Variants in SLC14A2 observed in about 807,000 individuals in gnomAD.
SLC14A2 encodes urea transporter 2.
A neutral mutation model predicts 104.6 loss-of-function variants in SLC14A2; 91 were observed. The ratio of observed to expected loss-of-function variants is 0.87; its 90% confidence interval spans 0.73 to 1.04. The LOEUF (loss-of-function observed/expected upper bound fraction) is 1.04. SLC14A2 is among the 50% of genes least tolerant of loss of function. The pLI is 0.00. For missense variants in SLC14A2, 1,189 were observed against 1,156.0 expected (o/e 1.03, Z -0.41); for synonymous variants, 476 against 466.4 (o/e 1.02, Z -0.27).
chr18:45,227,211 T>C (rs2084127914), intron 1 of SLC14A2, among the ~76,000 whole-genome samples: 1 of 152,136 alleles, frequency 6.6e-6, no homozygotes, highest in Admixed American at 6.5e-5. Context: ...CAGGAATTTA[T>C]CTCTCCACAC....
chr18:45,359,320 C>T (rs79384635), intron 1 of SLC14A2, among the ~76,000 whole-genome samples: 2 of 152,254 alleles, frequency 1.3e-5, no homozygotes, highest in South Asian at 4.1e-4. Context: ...AGCAGGCCCC[C>T]CCGTCTAGCG....
the SLC14A2 span, among the ~76,000 whole-genome samples, chr18:45,190,290 G>T: frequency 8.5e-5 from 13 of 152,216 alleles, no homozygotes; most frequent in Middle Eastern, 3.4e-3. Context: ...AACTACAAAA[G>T]TTCTCAAAAT....
chr18:45,579,197 G>A (rs1172163835), intron 2 of SLC14A2, among the ~76,000 whole-genome samples: 1 of 152,232 alleles, frequency 6.6e-6, no homozygotes, highest in Admixed American at 6.5e-5. Flanking sequence ...AGATCCAAGG[G>A]ATGGGAAAAT....
rs925064985 is a variant in SLC14A2, at chr18:45,598,709, G to T, written c.-34-25922G>T. Among the ~76,000 whole-genome samples the T allele has an allele frequency of 5.9e-5, 9 of 152,228 alleles. No individual in the cohort carries two copies. The South Asian group carries it at 1.5e-3, about 25-fold the overall frequency. On this transcript the variant is annotated intron_variant, in intron 2 of 20. Transcript: ENST00000586448. ...GGAAAAGAGGTGGGTCTGCATTGGC[G>T]GTGGGCATCAGGGACCTGGACTCTT...
At chr18:45,516,743 T>C (rs1486722270) in intron 2 of SLC14A2, among the ~76,000 whole-genome samples, 2 of 152,226 alleles carry the variant, frequency 1.3e-5, no homozygotes, top group East Asian at 1.9e-4. Flanking sequence ...GTGAAAGACA[T>C]TGTATCTGAT....
At chr18:45,427,110 G>A (rs2086444713) in intron 1 of SLC14A2, among the ~76,000 whole-genome samples, 1 of 152,134 alleles carries the variant, frequency 6.6e-6, no homozygotes, top group African/African-American at 2.4e-5. Context: ...TAAGTAGCAG[G>A]AAAATGGACA....
At chr18:45,287,428 G>T (rs1396083668) in intron 1 of SLC14A2, among the ~76,000 whole-genome samples, 1 of 152,260 alleles carries the variant, frequency 6.6e-6, no homozygotes, top group Non-Finnish European at 1.5e-5. Flanking sequence ...AGGCCCTGCA[G>T]GGCAGGCCTT....
At chr18:45,319,592 C>T (rs1213359351) in intron 1 of SLC14A2, among the ~76,000 whole-genome samples, 1 of 152,182 alleles carries the variant, frequency 6.6e-6, no homozygotes, top group Non-Finnish European at 1.5e-5. Context: ...AGGAGGCATT[C>T]AATAAATACT....
At chr18:45,355,508 G>T (rs1191604059) in intron 1 of SLC14A2, among the ~76,000 whole-genome samples, 3 of 143,506 alleles carry the variant, frequency 2.1e-5, no homozygotes, top group African/African-American at 7.9e-5. Context: ...AACCGAGGAA[G>T]CAGAGGTTGC....
At chr18:45,214,190 A>T (rs902837846) in intron 1 of SLC14A2, among the ~76,000 whole-genome samples, 2 of 152,234 alleles carry the variant, frequency 1.3e-5, no homozygotes, top group Non-Finnish European at 2.9e-5. Context: ...CTTTGTGTGT[A>T]TGTAAATGAG....
chr18:45,450,208 C>A (rs2852296), intron 1 of SLC14A2, among the ~76,000 whole-genome samples: 116 of 152,250 alleles, frequency 7.6e-4, no homozygotes, highest in African/African-American at 2.7e-3. Flanking sequence ...TGCTTGGTTG[C>A]GGAGAGGTCC....
At chr18:45,600,668 G>C (rs985071809) in intron 2 of SLC14A2, among the ~76,000 whole-genome samples, 1 of 152,116 alleles carries the variant, frequency 6.6e-6, no homozygotes, top group African/African-American at 2.4e-5. Flanking sequence ...GCAGGTCCTT[G>C]GGCTCCAAGA....
chr18:45,178,711 G>A, the SLC14A2 span, among the ~76,000 whole-genome samples: 5 of 152,180 alleles, frequency 3.3e-5, no homozygotes, highest in African/African-American at 7.2e-5. Flanking sequence ...GCATGGAATA[G>A]TACAAGTGGA....
chr18:45,311,647 G>GA (rs2085080144), intron 1 of SLC14A2, among the ~76,000 whole-genome samples: 1 of 152,320 alleles, frequency 6.6e-6, no homozygotes, highest in African/African-American at 2.4e-5. Flanking sequence ...CTGAAAGACT[G>GA]AAAAACTCCT....
At chr18:45,587,049 G>A (rs996333769) in intron 2 of SLC14A2, among the ~76,000 whole-genome samples, 2 of 151,856 alleles carry the variant, frequency 1.3e-5, no homozygotes, top group East Asian at 1.9e-4. Flanking sequence ...GTGTAGTTGT[G>A]CGATCGCAGC....
At chr18:45,172,957 C>T in the SLC14A2 span, among the ~76,000 whole-genome samples, 226 of 152,214 alleles carry the variant, frequency 1.5e-3, no homozygotes, top group Admixed American at 2.2e-3. Flanking sequence ...GGGAAAGTCA[C>T]TCTTCTTTTT....
the SLC14A2 span, among the ~76,000 whole-genome samples, chr18:45,182,925 A>C: frequency 4.6e-5 from 7 of 152,352 alleles, no homozygotes; most frequent in East Asian, 1.3e-3. Context: ...ACAGATTGCC[A>C]AGAAATTTTT....
chr18:45,665,232 A>G (rs1435128810), intron 11 of SLC14A2, among the ~76,000 whole-genome samples: 3 of 152,174 alleles, frequency 2.0e-5, no homozygotes, highest in Non-Finnish European at 4.4e-5. Context: ...ACGGGGGAAC[A>G]GGCAATTCAG....
At chr18:45,632,145 TTGTGTGTGTG>T (rs34666828) in intron 4 of SLC14A2, among the ~76,000 whole-genome samples, 195 bp from the exon 5 acceptor site, 8 of 113,564 alleles carry the variant, frequency 7.0e-5, no homozygotes, top group Non-Finnish European at 1.1e-4. Flanking sequence ...GTGTGTGTGT[TTGTGTGTGTG>T]TGTGTGTGTG....
Sources: gnomAD v4.1 joint callset for allele counts (sites outside exome capture counted in the v4.1 genomes callset) on GRCh38, gnomAD v4.1.1 for gene constraint, MANE v1.5 for transcripts, NCBI Gene and HGNC (gene_info 2026-07-23, HGNC 2026-07-21) for gene names.